The following MMP17 variants were observed in gnomAD, a reference collection of about 807,000 sequenced individuals.
MMP17 encodes the protein matrix metalloproteinase-17.
In MMP17, 54 loss-of-function variants were observed where a neutral mutation model predicts 49.1. That is an observed-to-expected ratio of 1.10 (90% CI 0.88 to 1.38). The LOEUF (loss-of-function observed/expected upper bound fraction) is 1.38, where lower values mean the gene tolerates loss of function less well. MMP17 is among the 40% of genes most tolerant of loss of function. The pLI, the probability that MMP17 is intolerant of heterozygous loss-of-function variation, is 0.00. For synonymous variants in MMP17, 397 were observed against 383.1 expected (o/e 1.04, Z -0.42); for missense variants, 837 against 853.7 (o/e 0.98, Z 0.24).
chr12:131,840,510 A>T, intron 3 of MMP17, 63 bp from the exon 4 acceptor site: 1 of 1,510,234 alleles, frequency 6.6e-7, no homozygotes, highest in Non-Finnish European at 8.9e-7. Context: ...CGTTCAGGGA[A>T]CCTCGGCCTG....
chr12:131,840,726 C>G lies in MMP17; in HGVS notation c.576C>G (p.Ala192=). 1 of 1,604,432 alleles carries G rather than the reference C, an allele frequency of 6.2e-7. No individual in the cohort carries two copies. The highest frequency in any genetic ancestry group is 8.5e-7 in the Non-Finnish European group (1 of 1,179,916). Residue 192 remains alanine, a synonymous_variant, in exon 4 of 10, where the codon GCC becomes GCG. Transcript: ENST00000360564. ...AADIQIDFSK[A]DHNDGYPFDG... is the part of the protein sequence containing the mutation. ...ACATCCAGATCGACTTCTCCAAGGC[C>G]GACCATAACGACGGCTACCCCTTCG...
Position 131,851,475 on chromosome 12 carries a change from G to A in MMP17, c.*201G>A. The A allele has an allele frequency of 4.7e-6, 2 of 429,970 alleles. No homozygotes were observed. The highest frequency in any genetic ancestry group is 2.0e-5 in the African/African-American group (1 of 49,210). 26.6% of individuals were successfully genotyped at this position (429,970 alleles called of 1,614,324 possible). On this transcript the variant is annotated 3_prime_UTR_variant, in exon 10 of 10. Transcript: ENST00000360564. ...AGGACGGAGCTGTCCCCTAGTGAGG[G>A]ACTGTGTTGACTGACGAGCCGAGGG...
In MMP17 at chr12:131,851,017, G is replaced by C. The variant is rs962643490; in HGVS notation, c.1555G>C (p.Asp519His). ...CGGGTACCCACAGTCCACGGCCCGG[G>C]ACTGGCTGGTGTGTGGAGACTCACA... ...APGYPQSTAR[D>H]WLVCGDSQAD... The change falls in exon 10 of 10, where the codon GAC becomes CAC. Residue 519 changes from aspartate to histidine, a missense_variant. By Grantham distance (81) the Asp-to-His change is moderately conservative. Transcript: ENST00000360564. 3 of 1,608,090 alleles carry C rather than the reference G, an allele frequency of 1.9e-6. No homozygotes were observed. In the East Asian group the frequency reaches 6.7e-5, roughly 36 times the overall value.
intron 5 of MMP17, among the ~76,000 whole-genome samples, chr12:131,843,324 T>A (rs1367307652): frequency 1.4e-5 from 2 of 147,766 alleles, no homozygotes; most frequent in Non-Finnish European, 3.0e-5. Flanking sequence ...GGCCCAGGCT[T>A]GTCTCAAAAC....
chr12:131,840,198 C>G (rs1428190139), intron 3 of MMP17: 8 of 206,668 alleles, frequency 3.9e-5, no homozygotes, highest in Non-Finnish European at 7.8e-5. Flanking sequence ...AAAACTATCT[C>G]AGATGGGCCC....
chr12:131,836,345 C>A (rs1887084051), intron 1 of MMP17, among the ~76,000 whole-genome samples: 1 of 152,146 alleles, frequency 6.6e-6, no homozygotes, highest in South Asian at 2.1e-4. Context: ...GTGCCTCATT[C>A]CTCTGAGCAC....
rs147538394 is a variant in MMP17 at position 131,847,368 on chromosome 12, A to C, written c.1204+1919A>C. Among the ~76,000 whole-genome samples, 27 of 150,080 alleles carry C rather than the reference A, an allele frequency of 1.8e-4. No individual in the cohort carries two copies. In the South Asian group the frequency reaches 5.5e-3, roughly 31 times the overall value. ...GCGGAGTTTGCAGTGAGGTGAGATCACACCACTGGACTCCAGCCTGGGTGA... is the reference window on the plus strand; with the variant it reads ...GCGGAGTTTGCAGTGAGGTGAGATCCCACCACTGGACTCCAGCCTGGGTGA... On this transcript the variant is annotated intron_variant, in intron 8 of 9. Coordinates refer to ENST00000360564, the MANE Select transcript of MMP17 (RefSeq NM_016155.7).
intron 8 of MMP17, among the ~76,000 whole-genome samples, chr12:131,848,079 T>C (rs1448345633): frequency 6.6e-6 from 1 of 152,182 alleles, no homozygotes; most frequent in Non-Finnish European, 1.5e-5. Flanking sequence ...TTTTTATTTT[T>C]AATTTTATTT....
At chr12:131,849,321 T>C (rs1196824790) in intron 8 of MMP17, among the ~76,000 whole-genome samples, 1 of 152,040 alleles carries the variant, frequency 6.6e-6, no homozygotes, top group Non-Finnish European at 1.5e-5. Context: ...CCGTCTCTAC[T>C]AAAAATACAA....
At chr12:131,830,895 C>T (rs1010413367) in intron 1 of MMP17, among the ~76,000 whole-genome samples, 1 of 152,330 alleles carries the variant, frequency 6.6e-6, no homozygotes, top group South Asian at 2.1e-4. Flanking sequence ...GGCGGGGCTG[C>T]TTGTCCTTGT....
rs781344733 is a variant in MMP17, at chr12:131,845,327, G to A, written c.1082G>A (p.Arg361Gln). ...GKYFWRLTRDRHLVSLQPAQM... is the reference protein window; with the variant it reads ...GKYFWRLTRDQHLVSLQPAQM... ...TACTTCTGGCGGCTGACGCGGGACC[G>A]GCACCTGGTGTCCCTGCAGCCGGCA... The change falls in exon 8 of 10, where the codon CGG becomes CAG. Residue 361 changes from arginine (R) to glutamine (Q), a missense_variant. Physicochemically the swap from Arg to Gln is conservative, Grantham distance 43. Transcript: ENST00000360564. 7.5e-6 allele frequency: 12 copies of A among 1,605,290 alleles called. No individual in the cohort carries two copies. Among genetic ancestry groups the A allele is most frequent in the South Asian group, 1.1e-5 (1 of 90,830 alleles).
intron 4 of MMP17, among the ~76,000 whole-genome samples, chr12:131,841,165 C>T (rs1451128089): frequency 4.6e-5 from 7 of 152,230 alleles, no homozygotes; most frequent in African/African-American, 9.6e-5. Context: ...GTGTCACTCC[C>T]GCTAAGTCCC....
At chr12:131,838,088 G>A (rs1360970374) in intron 1 of MMP17, 107 bp from the exon 2 acceptor site, 4 of 1,389,370 alleles carry the variant, frequency 2.9e-6, no homozygotes, top group Non-Finnish European at 2.9e-6. Flanking sequence ...GGCAGATAGG[G>A]GGCTGGGAGG....
At chr12:131,829,138 T>A (rs1435207798) in intron 1 of MMP17, among the ~76,000 whole-genome samples, 1 of 152,150 alleles carries the variant, frequency 6.6e-6, no homozygotes, top group African/African-American at 2.4e-5. Context: ...GCCCCCGAGT[T>A]TGCTCGGTTG....
At position 131,840,658 on chromosome 12, in the gene MMP17, A is replaced by G. The variant is rs1168581765; in HGVS notation, c.508A>G (p.Ile170Val). Residue 170 changes from isoleucine to valine, a missense_variant, in exon 4 of 10, where the codon ATT becomes GTT. Physicochemically the swap from Ile to Val is conservative, Grantham distance 29. Coordinates refer to ENST00000360564, the MANE Select transcript of MMP17 (RefSeq NM_016155.7). ...MYYALKVWSDIAPLNFHEVAG... is the reference protein window; with the variant it reads ...MYYALKVWSDVAPLNFHEVAG... ...CTACGCCCTCAAGGTCTGGAGCGAC[A>G]TTGCGCCCCTGAACTTCCACGAGGT... is the stretch of plus-strand genomic sequence containing the variant. 5 of 1,608,920 alleles carry G rather than the reference A, an allele frequency of 3.1e-6. No individual in the cohort carries two copies. Among genetic ancestry groups the G allele is most frequent in the Admixed American group, 1.7e-5 (1 of 60,036 alleles).
intron 8 of MMP17, 36 bp from the exon 9 acceptor site, chr12:131,849,766 C>T (rs375097043): frequency 1.5e-5 from 23 of 1,585,600 alleles, no homozygotes; most frequent in Middle Eastern, 3.4e-4. Flanking sequence ...GGGGTGGGGC[C>T]GAGCCCCGGC....
rs1399813785 is a variant in MMP17, at chr12:131,840,717, C to T, written c.567C>T (p.Phe189=). 1 of 1,605,120 alleles carries T rather than the reference C, an allele frequency of 6.2e-7. No individual in the cohort carries two copies. Among genetic ancestry groups the T allele is most frequent in the Non-Finnish European group, 8.5e-7 (1 of 1,179,918 alleles). Residue 189 remains phenylalanine, a synonymous_variant, in exon 4 of 10, where the codon TTC becomes TTT. Coordinates refer to ENST00000360564, the MANE Select transcript of MMP17 (RefSeq NM_016155.7). ...GCGCCGCCGACATCCAGATCGACTT[C>T]TCCAAGGCCGACCATAACGACGGCT... is the stretch of plus-strand genomic sequence containing the variant. ...AGSAADIQID[F]SKADHNDGYP...
Position 131,828,527 on chromosome 12 carries a change from G to A in MMP17, c.33G>A (p.Pro11=). 3 of 996,998 alleles carry A rather than the reference G, an allele frequency of 3.0e-6. No homozygotes were observed. The highest frequency in any genetic ancestry group is 3.6e-6 in the Non-Finnish European group (3 of 839,816). 61.8% of individuals were successfully genotyped at this position (996,998 alleles called of 1,614,324 possible). A position where few individuals can be genotyped will look rare whatever the true frequency, so the allele number is the denominator to read the frequency against. ...GCCGCGCAGCCCGGGGACCCGGCCC[G>A]CCGCCCCCAGGGCCCGGACTCTCGC... is the stretch of plus-strand genomic sequence containing the variant. The part of the protein sequence containing the change: MRRRAARGPG[P]PPPGPGLSRL... The change falls in exon 1 of 10, where the codon CCG becomes CCA. Residue 11 remains proline, a synonymous_variant. Transcript: ENST00000360564.
intron 4 of MMP17, 36 bp downstream of exon 4, chr12:131,840,892 GC>G: frequency 1.3e-6 from 2 of 1,532,400 alleles, no homozygotes; most frequent in Non-Finnish European, 8.8e-7. Context: ...AGAGTCAGGA[GC>G]CCCAGCGGCC....
Sources: allele counts gnomAD v4.1 joint callset (sites outside exome capture counted in the v4.1 genomes callset), GRCh38; gene constraint gnomAD v4.1.1; transcripts MANE v1.5; gene names NCBI Gene and HGNC (gene_info 2026-07-23, HGNC 2026-07-21).